Variants in PCDHA3 observed in about 807,000 individuals in gnomAD.
PCDHA3 encodes the protein protocadherin alpha-3.
PCDHA3 carries 41 observed loss-of-function variants against 62.2 expected under a neutral mutation model. The ratio of observed to expected loss-of-function variants is 0.66; its 90% confidence interval spans 0.51 to 0.86. The LOEUF is 0.86. Ranked by LOEUF, PCDHA3 falls within the 40% of genes least tolerant of loss-of-function variation. PCDHA3 has a pLI of 0.00. For synonymous variants in PCDHA3, 640 were observed against 555.4 expected, an observed-to-expected ratio of 1.15 and a Z score of -2.14; for missense variants, 1,304 against 1,241.2, an observed-to-expected ratio of 1.05 and a Z score of -0.76.
chr5:140,827,185 C>G (rs1368140557), intron 1 of PCDHA3, among the ~76,000 whole-genome samples: 1 of 151,946 alleles, frequency 6.6e-6, no homozygotes, highest in Non-Finnish European at 1.5e-5. Flanking sequence ...AAGTCTTATT[C>G]AAAACTTGGA....
At position 140,927,719 on chromosome 5, in the gene PCDHA3, C is replaced by A. The variant is rs144571902; in HGVS notation, c.2395-51230C>A. Reference sequence around the variant, plus strand: ...GTCCAGTACTCCCTAAGCAACAGCACGCAAGCAGAGCTGCGACACCGCTTT... The same window carrying A: ...GTCCAGTACTCCCTAAGCAACAGCAAGCAAGCAGAGCTGCGACACCGCTTT... On this transcript the variant is annotated intron_variant, in intron 1 of 3. Transcript: ENST00000522353. The A allele has an allele frequency of 2.2e-4, 352 of 1,614,178 alleles. No individual in the cohort carries two copies. In the Middle Eastern group the frequency reaches 2.3e-3, roughly 11 times the overall value.
At chr5:140,948,868 G>A (rs191976148) in intron 1 of PCDHA3, among the ~76,000 whole-genome samples, 20 of 151,330 alleles carry the variant, frequency 1.3e-4, no homozygotes, top group African/African-American at 4.8e-4. Context: ...ATTACTTCGG[G>A]TTTACTTTGC....
At chr5:140,876,672 C>T in intron 1 of PCDHA3, 1 of 1,614,208 alleles carries the variant, frequency 6.2e-7, no homozygotes, top group Non-Finnish European at 8.5e-7. Context: ...TGGTGTCCAC[C>T]TACAAGAATT....
chr5:140,968,363 G>T (rs1448494733), intron 1 of PCDHA3: 1 of 1,614,090 alleles, frequency 6.2e-7, no homozygotes, highest in East Asian at 2.2e-5. Context: ...CAGCCTTTAT[G>T]CTGTCAACTC....
chr5:140,810,861 C>T (rs1554125588), intron 1 of PCDHA3: 1 of 151,958 alleles, frequency 6.6e-6, no homozygotes, highest in Non-Finnish European at 1.5e-5. Context: ...CTCAATTTAT[C>T]AATTTTTGCT....
At chr5:140,857,747 T>C (rs2150398019) in intron 1 of PCDHA3, 2 of 1,597,058 alleles carry the variant, frequency 1.3e-6, no homozygotes, top group South Asian at 1.1e-5. Context: ...GCTGCTGGCG[T>C]CTCCCGCTGG....
Position 140,967,929 on chromosome 5 carries a change from G to A in PCDHA3, c.2395-11020G>A, listed in dbSNP as rs1554230126. 5 of 1,614,096 alleles carry A rather than the reference G, an allele frequency of 3.1e-6. No homozygotes were observed. The South Asian group carries it at 4.4e-5, about 14-fold the overall frequency. ...CCCAACACCATTGTGGCCGTTCTCAGTGTCAATGACCAAGACTCAGGCCCC... is the reference window on the plus strand; with the variant it reads ...CCCAACACCATTGTGGCCGTTCTCAATGTCAATGACCAAGACTCAGGCCCC... On this transcript the variant is annotated intron_variant, in intron 1 of 3. Coordinates refer to ENST00000522353, the MANE Select transcript of PCDHA3 (RefSeq NM_018906.3).
At chr5:140,900,295 TTTA>T (rs1335445889) in intron 1 of PCDHA3, among the ~76,000 whole-genome samples, 3 of 152,152 alleles carry the variant, frequency 2.0e-5, no homozygotes, top group Non-Finnish European at 4.4e-5. Context: ...TTTCTGTTTT[TTTA>T]GACAGTCTCA....
At chr5:140,896,430 T>C (rs543866183) in intron 1 of PCDHA3, among the ~76,000 whole-genome samples, 41 of 152,158 alleles carry the variant, frequency 2.7e-4, no homozygotes, top group Non-Finnish European at 4.4e-4. Context: ...CCATTCTGAC[T>C]GGTGTGACTG....
intron 1 of PCDHA3, chr5:140,814,903 T>C (rs74593738): frequency 6.6e-6 from 1 of 152,238 alleles, no homozygotes; most frequent in Non-Finnish European, 1.5e-5. Context: ...AATTGCTATG[T>C]CCTTCTGGTG....
intron 1 of PCDHA3, among the ~76,000 whole-genome samples, chr5:140,899,225 A>G (rs1479429839): frequency 6.6e-6 from 1 of 152,038 alleles, no homozygotes; most frequent in African/African-American, 2.4e-5. Flanking sequence ...TTCCAACACT[A>G]TGTTGAATAG....
intron 1 of PCDHA3, among the ~76,000 whole-genome samples, chr5:140,953,146 A>G (rs1554220822): frequency 6.6e-6 from 1 of 152,152 alleles, no homozygotes; most frequent in Non-Finnish European, 1.5e-5. Context: ...TTATATTTCT[A>G]TGAAGGGTGT....
intron 1 of PCDHA3, chr5:140,871,069 C>G: frequency 6.2e-7 from 1 of 1,613,228 alleles, no homozygotes; most frequent in East Asian, 2.2e-5. Context: ...TCACGGTGAG[C>G]CGGCGCTGAC....
chr5:140,806,637 G>A (rs1763761859), intron 1 of PCDHA3, among the ~76,000 whole-genome samples: 1 of 111,056 alleles, frequency 9.0e-6, no homozygotes, highest in Admixed American at 9.2e-5. Flanking sequence ...GAAATACTAG[G>A]GTGAAGAGGG....
At chr5:140,990,662 T>C (rs1554251660) in intron 3 of PCDHA3, among the ~76,000 whole-genome samples, 1 of 152,182 alleles carries the variant, frequency 6.6e-6, no homozygotes, top group African/African-American at 2.4e-5. Context: ...ATGATTTACA[T>C]TAGATGCACA....
chr5:140,840,523 A>G (rs1554137815), intron 1 of PCDHA3, among the ~76,000 whole-genome samples: 3 of 152,058 alleles, frequency 2.0e-5, no homozygotes, highest in African/African-American at 7.3e-5. Flanking sequence ...CAGAAGAAAG[A>G]TGAAGAACTA....
At position 140,883,117 on chromosome 5, in the gene PCDHA3, G is replaced by T. The variant is rs782191143; in HGVS notation, c.2394+79526G>T. Reference sequence around the variant, plus strand: ...GAGATATAGTTTACTCATTTAGAAGGCCTGTATGGCCTGCAGTGGTATATG... The same window carrying T: ...GAGATATAGTTTACTCATTTAGAAGTCCTGTATGGCCTGCAGTGGTATATG... On this transcript the variant is annotated intron_variant, in intron 1 of 3. Transcript: ENST00000522353. 2.5e-6 allele frequency: 4 copies of T among 1,613,898 alleles called. No homozygotes were observed. Among genetic ancestry groups the T allele is most frequent in the Admixed American group, 3.3e-5 (2 of 59,964 alleles).
chr5:140,849,638 C>T (rs2041012069), intron 1 of PCDHA3: 1 of 1,598,650 alleles, frequency 6.3e-7, no homozygotes, highest in African/African-American at 1.3e-5. Flanking sequence ...ACGCAGATGC[C>T]AACGGGCAGG....
At position 140,928,541 on chromosome 5, in the gene PCDHA3, A is replaced by G. The variant is rs149868042; in HGVS notation, c.2395-50408A>G. On this transcript the variant is annotated intron_variant, in intron 1 of 3. Transcript: ENST00000522353. ...AACTTGTTTGTGGTAGATAGGAATG[A>G]CAATTATCCGGTTATCTTGTTTCCC... 2 of 1,614,192 alleles carry G rather than the reference A, an allele frequency of 1.2e-6. No homozygotes were observed. Among genetic ancestry groups the G allele is most frequent in the African/African-American group, 1.3e-5 (1 of 75,044 alleles).
Sources: gnomAD v4.1 joint callset for allele counts (sites outside exome capture counted in the v4.1 genomes callset) on GRCh38, gnomAD v4.1.1 for gene constraint, MANE v1.5 for transcripts, NCBI Gene and HGNC (gene_info 2026-07-23, HGNC 2026-07-21) for gene names.